Variants in VPS50 observed in about 807,000 individuals in gnomAD.
VPS50 encodes syndetin.
Under a neutral mutation model 139.7 loss-of-function variants are expected in VPS50, and 70 were observed. The observed-to-expected ratio is 0.50, with a 90% confidence interval of 0.41 to 0.61. VPS50 has a LOEUF of 0.61. Among genes scored for constraint, VPS50 ranks in the 20% least tolerant of loss-of-function variants. The pLI is 0.00. For missense variants in VPS50, 921 were observed against 1,133.7 expected (o/e 0.81, Z 2.69); for synonymous variants, 365 against 376.7 (o/e 0.97, Z 0.36).
intron 2 of VPS50, among the ~76,000 whole-genome samples, chr7:93,250,409 C>G (rs1324702091): frequency 6.6e-6 from 1 of 151,912 alleles, no homozygotes; most frequent in South Asian, 2.1e-4. Flanking sequence ...ATATACTGTT[C>G]TTTGATCTTT....
In VPS50 at chr7:93,360,585, T is replaced by C. The variant is rs1235506782; in HGVS notation, c.*2149T>C. The C allele has an allele frequency of 6.6e-6, 1 of 152,024 alleles. No individual in the cohort carries two copies. The highest frequency in any genetic ancestry group is 1.5e-5 in the Non-Finnish European group (1 of 67,982). The allele number at this position is 152,024 out of a possible 1,614,324, so 9.4% of individuals were successfully genotyped here. A position where few individuals can be genotyped will look rare whatever the true frequency, so the allele number is the denominator to read the frequency against. On this transcript the variant is annotated 3_prime_UTR_variant, in exon 28 of 28. Transcript: ENST00000305866. ...ACCATGTAACATTTTATGAAACTAATTTTCAGATAAATACAATTGAAAAGC... is the reference window on the plus strand; with the variant it reads ...ACCATGTAACATTTTATGAAACTAACTTTCAGATAAATACAATTGAAAAGC...
intron 9 of VPS50, among the ~76,000 whole-genome samples, chr7:93,261,677 CAAAA>C (rs71107890): frequency 6.4e-5 from 4 of 62,184 alleles, no homozygotes; most frequent in Admixed American, 1.9e-4. Context: ...GACTCCGTCT[CAAAA>C]AAAAAAAAAA....
At chr7:93,336,101 A>G (rs1798063928) in intron 22 of VPS50, among the ~76,000 whole-genome samples, 1 of 152,204 alleles carries the variant, frequency 6.6e-6, no homozygotes, top group Non-Finnish European at 1.5e-5. Context: ...TACTCAATAC[A>G]TTCTTTGGCT....
At chr7:93,238,455 A>G (rs1485010509) in intron 1 of VPS50, among the ~76,000 whole-genome samples, 1 of 152,090 alleles carries the variant, frequency 6.6e-6, no homozygotes, top group African/African-American at 2.4e-5. Flanking sequence ...TGTTTCTGGA[A>G]CTTTGCTAGC....
intron 21 of VPS50, among the ~76,000 whole-genome samples, chr7:93,325,860 T>C (rs1343359081): frequency 6.6e-6 from 1 of 151,240 alleles, no homozygotes; most frequent in African/African-American, 2.4e-5. Context: ...GACTGTAAAC[T>C]AGTTCAACCC....
In VPS50 at chr7:93,305,891, A is replaced by G. The variant is rs767227460; in HGVS notation, c.1516A>G (p.Thr506Ala). ...SVSPSKQPVS[T>A]SSKTVTLFEQ... The stretch of plus-strand genomic sequence containing the variant: ...TTCACCTAGTAAACAGCCAGTCTCA[A>G]CTTCTTCAAAAACAGTGACCTTGTT... The change falls in exon 18 of 28, where the codon ACT (threonine) becomes GCT (alanine). Residue 506 changes from threonine to alanine, a missense_variant. Physicochemically the swap from Thr to Ala is moderately conservative, Grantham distance 58. Around this residue, in one of 3 missense-constraint regions of VPS50, gnomAD observed 744 missense variants for 930.6 expected, o/e 0.80. Transcript: ENST00000305866. 1.9e-6 allele frequency: 3 copies of G among 1,612,474 alleles called. No homozygotes were observed. The Admixed American group carries it at 5.0e-5, about 27-fold the overall frequency.
chr7:93,282,064 C>T (rs1411637597), intron 12 of VPS50, among the ~76,000 whole-genome samples: 1 of 151,982 alleles, frequency 6.6e-6, no homozygotes, highest in South Asian at 2.1e-4. Context: ...ATTAGCCGGG[C>T]GTGGTGGCGG....
chr7:93,272,520 A>G (rs1425358237), intron 10 of VPS50, 115 bp from the exon 11 acceptor site: 4 of 472,878 alleles, frequency 8.5e-6, no homozygotes, highest in Non-Finnish European at 1.1e-5. Flanking sequence ...CTGGTATGAT[A>G]GTAAATGTAT....
chr7:93,259,905 T>C (rs1388239357), intron 9 of VPS50, among the ~76,000 whole-genome samples: 1 of 152,192 alleles, frequency 6.6e-6, no homozygotes, highest in Non-Finnish European at 1.5e-5. Context: ...TTTATAGAGT[T>C]GTAGACAAGA....
In VPS50 at chr7:93,232,506, TC is replaced by T; in HGVS notation, c.33+7del. The T allele has an allele frequency of 6.2e-7, 1 of 1,612,844 alleles. No homozygotes were observed. The highest frequency in any genetic ancestry group is 8.5e-7 in the Non-Finnish European group (1 of 1,178,998). ...AATCTCTCATGACCCGACAGGTAAG[TC>T]GCGGCGGCTGAAGCAAAGGCTTCCT... is the stretch of plus-strand genomic sequence containing the variant. On this transcript the variant is annotated splice_region_variant and intron_variant, in intron 1 of 27. Coordinates refer to ENST00000305866, the MANE Select transcript of VPS50 (RefSeq NM_017667.4).
chr7:93,304,566 C>T (rs1438817806), intron 17 of VPS50, among the ~76,000 whole-genome samples: 6 of 151,696 alleles, frequency 4.0e-5, no homozygotes, highest in Non-Finnish European at 8.9e-5. Context: ...AATTCCTTAA[C>T]ATCATTTAGA....
intron 5 of VPS50, 110 bp from the exon 6 acceptor site, chr7:93,257,284 T>C (rs1458341688): frequency 1.6e-6 from 1 of 616,926 alleles, no homozygotes; most frequent in Non-Finnish European, 2.8e-6. Context: ...TACTTTGTTT[T>C]TCAAGCAGGT....
At chr7:93,238,495 G>A (rs1027732449) in intron 1 of VPS50, among the ~76,000 whole-genome samples, 3 of 152,122 alleles carry the variant, frequency 2.0e-5, no homozygotes, top group Non-Finnish European at 2.9e-5. Context: ...ATAGGACTTT[G>A]TCTCTCCCTT....
At chr7:93,297,967 G>A (rs1286352148) in intron 16 of VPS50, among the ~76,000 whole-genome samples, 2 of 152,048 alleles carry the variant, frequency 1.3e-5, no homozygotes, top group Admixed American at 6.6e-5. Flanking sequence ...TTGAATTTAA[G>A]TTTTGATTTC....
intron 21 of VPS50, among the ~76,000 whole-genome samples, chr7:93,331,443 A>G (rs1408989053): frequency 4.6e-5 from 7 of 152,150 alleles, no homozygotes; most frequent in Admixed American, 4.6e-4. Context: ...ACACACTTAC[A>G]TGGTCAACTG....
At chr7:93,258,569 A>G (rs1353507945) in intron 8 of VPS50, among the ~76,000 whole-genome samples, 177 bp downstream of exon 8, 1 of 152,046 alleles carries the variant, frequency 6.6e-6, no homozygotes, top group Non-Finnish European at 1.5e-5. Flanking sequence ...TATTGACATG[A>G]TATTACTTCA....
intron 8 of VPS50, 35 bp from the exon 9 acceptor site, chr7:93,259,515 T>G (rs745604550): frequency 9.3e-7 from 1 of 1,079,168 alleles, no homozygotes; most frequent in Non-Finnish European, 1.4e-6. Flanking sequence ...AAAAAATGTT[T>G]CTATTCCAAT....
At chr7:93,324,556 G>A in intron 21 of VPS50, among the ~76,000 whole-genome samples, 1 of 152,110 alleles carries the variant, frequency 6.6e-6, no homozygotes, top group Non-Finnish European at 1.5e-5. Context: ...CGTGGTTTTT[G>A]TCTTTGGTTC....
rs79658662 is a variant in VPS50 at position 93,355,071 on chromosome 7, C to T, written c.2586-820C>T. On this transcript the variant is annotated intron_variant, in intron 26 of 27. Transcript: ENST00000305866. The stretch of plus-strand genomic sequence containing the variant: ...GTATTTTAAATAAATTTGTTTAAGT[C>T]GAAATGTGAATAATATATGTAATAC... Among the ~76,000 whole-genome samples the T allele has an allele frequency of 2.8e-3, 409 of 147,212 alleles. 1 individual carries two copies. The highest frequency in any genetic ancestry group is 4.4e-3 in the Non-Finnish European group (297 of 67,252).
Sources: gnomAD v4.1 joint callset for allele counts (sites outside exome capture counted in the v4.1 genomes callset) on GRCh38, gnomAD v4.1.1 for gene constraint, gnomAD v4.1.1 regional missense constraint, MANE v1.5 for transcripts, NCBI Gene and HGNC (gene_info 2026-07-23, HGNC 2026-07-21) for gene names.